The following TAF5 variants were observed in gnomAD, a reference collection of about 807,000 sequenced individuals.
The protein encoded by TAF5 is transcription initiation factor TFIID subunit 5.
A neutral mutation model predicts 80.9 loss-of-function variants in TAF5; 20 were observed. That is an observed-to-expected ratio of 0.25 (90% CI 0.17 to 0.36). TAF5 has a LOEUF of 0.36. Among genes scored for constraint, TAF5 ranks in the 10% least tolerant of loss-of-function variants. The pLI is 1.00. For missense variants in TAF5, 863 were observed against 1,029.4 expected (o/e 0.84, Z 2.21); for synonymous variants, 388 against 406.4 (o/e 0.95, Z 0.55).
Position 103,381,717 on chromosome 10 carries a change from G to A in TAF5, c.1414-4G>A. Reference sequence around the variant, plus strand: ...ATTGTTTAGTCTAACCCTTTTATTGGCAGGGTCTCACTGCAGTGGATGTCA... The same window carrying A: ...ATTGTTTAGTCTAACCCTTTTATTGACAGGGTCTCACTGCAGTGGATGTCA... On this transcript the variant is annotated splice_region_variant and splice_polypyrimidine_tract_variant and intron_variant, in intron 5 of 10. Coordinates refer to ENST00000369839, the MANE Select transcript of TAF5 (RefSeq NM_006951.5). 1 of 1,613,766 alleles carries A rather than the reference G, an allele frequency of 6.2e-7. No homozygotes were observed. Among genetic ancestry groups the A allele is most frequent in the Non-Finnish European group, 8.5e-7 (1 of 1,179,936 alleles).
chr10:103,368,021 T>G lies in TAF5; in HGVS notation c.32T>G (p.Val11Gly). The change falls in exon 1 of 11, where the codon GTG becomes GGG. Residue 11 changes from valine to glycine, a missense_variant. Val to Gly is a moderately radical substitution (Grantham distance 109). Transcript: ENST00000369839. MAALAEEQTE[V>G]AVKLEPEGPP... ...GCGCTGGCGGAGGAGCAGACGGAGG[T>G]GGCGGTCAAGCTAGAGCCTGAGGGA... 6.8e-7 allele frequency: 1 copy of G among 1,464,770 alleles called. No individual in the cohort carries two copies. The highest frequency in any genetic ancestry group is 9.0e-7 in the Non-Finnish European group (1 of 1,113,962). The allele number at this position is 1,464,770 out of a possible 1,614,324, so 90.7% of individuals were successfully genotyped here.
chr10:103,378,719 G>A lies in TAF5; in HGVS notation c.1113+169G>A, dbSNP rs531704093. On this transcript the variant is annotated intron_variant, in intron 3 of 10. Transcript: ENST00000369839. This position sits in a 1 kb window ranked among gnomAD's most constrained non-coding sequence, Gnocchi z 4.1. ...GTCACCCAAGCTGGAGTGCAGTGGCGTGATCTCAGCTCACTGCAACCTCCA... is the reference window on the plus strand; with the variant it reads ...GTCACCCAAGCTGGAGTGCAGTGGCATGATCTCAGCTCACTGCAACCTCCA... Among the ~76,000 whole-genome samples, 9 of 152,180 alleles carry A rather than the reference G, an allele frequency of 5.9e-5. No homozygotes were observed. Among genetic ancestry groups the A allele is most frequent in the South Asian group, 4.2e-4 (2 of 4,818 alleles).
chr10:103,370,876 C>T (rs1347405502), intron 1 of TAF5, among the ~76,000 whole-genome samples: 2 of 152,086 alleles, frequency 1.3e-5, no homozygotes, highest in African/African-American at 4.8e-5. Context: ...TGCAGCATTG[C>T]CAGAAATGAA....
chr10:103,387,691 G>A lies in TAF5; in HGVS notation c.2178G>A (p.Leu726=), dbSNP rs1271498098. Residue 726 remains leucine (L), a synonymous_variant, in exon 10 of 11, where the codon TTG becomes TTA. Coordinates refer to ENST00000369839, the MANE Select transcript of TAF5 (RefSeq NM_006951.5). ...SLRFSRDGEI[L]ASGSMDNTVR... Reference sequence around the variant, plus strand: ...GGTTTAGTAGAGATGGTGAAATTTTGGCATCAGGTAAATGACTATTAATGG... The same window carrying A: ...GGTTTAGTAGAGATGGTGAAATTTTAGCATCAGGTAAATGACTATTAATGG... The A allele has an allele frequency of 5.0e-6, 8 of 1,610,142 alleles. No individual in the cohort carries two copies. The highest frequency in any genetic ancestry group is 6.8e-6 in the Non-Finnish European group (8 of 1,178,996).
rs1554869336 is a variant in TAF5 at position 103,368,375 on chromosome 10, GCTCC to G, written c.387_390del (p.Ser130GlufsTer13). 6.4e-7 allele frequency: 1 copy of G among 1,563,596 alleles called. No individual in the cohort carries two copies. Among genetic ancestry groups the G allele is most frequent in the Non-Finnish European group, 8.6e-7 (1 of 1,163,548 alleles). On this transcript the variant is annotated frameshift_variant, in exon 1 of 11. Coordinates refer to ENST00000369839, the MANE Select transcript of TAF5 (RefSeq NM_006951.5). LOFTEE classifies it high-confidence loss of function. ...GGGCTGCTGGAGGAGGCAGTGGCGGGCTCCGGAGCCCCGGGAGAGGTGGACAGCG... is the reference window on the plus strand; with the variant it reads ...GGGCTGCTGGAGGAGGCAGTGGCGGGGGAGCCCCGGGAGAGGTGGACAGCG...
intron 2 of TAF5, among the ~76,000 whole-genome samples, chr10:103,375,351 C>A (rs1354258698): frequency 6.6e-6 from 1 of 151,940 alleles, no homozygotes; most frequent in Non-Finnish European, 1.5e-5. Flanking sequence ...GATAGATTGG[C>A]TAGGGAGGTG....
chr10:103,373,435 A>C lies in TAF5; in HGVS notation c.637A>C (p.Met213Leu). The change falls in exon 2 of 11, where the codon ATG becomes CTG. Residue 213 changes from methionine to leucine, a missense_variant. Physicochemically the swap from Met to Leu is conservative, Grantham distance 15. Transcript: ENST00000369839. The part of the protein sequence containing the change: ...SAYNQQGDPT[M>L]YEEYYSGLKH... ...CTACAACCAACAAGGAGATCCCACA[A>C]TGTATGAAGAATACTATAGTGGACT... 1 of 1,614,190 alleles carries C rather than the reference A, an allele frequency of 6.2e-7. No individual in the cohort carries two copies. Among genetic ancestry groups the C allele is most frequent in the Non-Finnish European group, 8.5e-7 (1 of 1,180,040 alleles).
intron 8 of TAF5, among the ~76,000 whole-genome samples, chr10:103,386,752 C>T (rs907392897): frequency 3.3e-5 from 5 of 151,704 alleles, no homozygotes; most frequent in African/African-American, 7.3e-5. Flanking sequence ...CAACCTCTAC[C>T]TCCTGGGTTC....
chr10:103,372,403 C>G (rs557333212), intron 1 of TAF5, among the ~76,000 whole-genome samples: 41 of 149,776 alleles, frequency 2.7e-4, no homozygotes, highest in African/African-American at 9.3e-4. Context: ...GGCGCGATCT[C>G]GGCTCACTGC....
chr10:103,388,287 C>A lies in TAF5; in HGVS notation c.*64C>A, dbSNP rs1418888767. 1.5e-6 allele frequency: 2 copies of A among 1,310,572 alleles called. No individual in the cohort carries two copies. The highest frequency in any genetic ancestry group is 2.1e-6 in the Non-Finnish European group (2 of 935,978). 81.2% of individuals were successfully genotyped at this position (1,310,572 alleles called of 1,614,324 possible). On this transcript the variant is annotated 3_prime_UTR_variant, in exon 11 of 11. Coordinates refer to ENST00000369839, the MANE Select transcript of TAF5 (RefSeq NM_006951.5). ...TAAAAAGGGAGACTAAAAGCAAATA[C>A]CTCAGTGATTAATATTTAAGCTACA...
At chr10:103,380,154 G>C in intron 5 of TAF5, 135 bp downstream of exon 5, 1 of 1,087,784 alleles carries the variant, frequency 9.2e-7, no homozygotes, top group Non-Finnish European at 1.3e-6. Flanking sequence ...TTCTGAGACA[G>C]AGTCTCGCTC....
At chr10:103,383,667 C>A (rs1292664558) in intron 7 of TAF5, among the ~76,000 whole-genome samples, 1 of 151,518 alleles carries the variant, frequency 6.6e-6, no homozygotes, top group Non-Finnish European at 1.5e-5. Flanking sequence ...CAACCTCCGC[C>A]TCCTGGGTTC....
intron 8 of TAF5, among the ~76,000 whole-genome samples, chr10:103,386,401 C>T (rs924970791): frequency 2.6e-5 from 4 of 152,108 alleles, no homozygotes; most frequent in African/African-American, 7.2e-5. Flanking sequence ...GATTGCACCA[C>T]GGCATTCTAG....
In TAF5 at chr10:103,385,374, C is replaced by T. The variant is rs1431191536; in HGVS notation, c.1713C>T (p.Ser571=). 13 of 1,613,886 alleles carry T rather than the reference C, an allele frequency of 8.1e-6. No homozygotes were observed. The East Asian group carries it at 2.9e-4, about 36-fold the overall frequency. The change falls in exon 8 of 11, where the codon AGC becomes AGT. Residue 571 remains serine (S), a synonymous_variant. Transcript: ENST00000369839. ...AGGACGGAACTGTTAGATTGTGGAG[C>T]CTTCAAACATTTACTTGTTTGGTGG... is the stretch of plus-strand genomic sequence containing the variant. ...SSEDGTVRLW[S]LQTFTCLVGY...
intron 10 of TAF5, 39 bp from the exon 11 acceptor site, chr10:103,387,967 G>A: frequency 6.4e-7 from 1 of 1,562,768 alleles, no homozygotes. Context: ...ATGTAAATAT[G>A]ATGGATGCAA....
chr10:103,369,153 AT>A (rs1320645759), intron 1 of TAF5, among the ~76,000 whole-genome samples: 1 of 150,796 alleles, frequency 6.6e-6, no homozygotes, highest in Non-Finnish European at 1.5e-5. Context: ...TAATTTTTGT[AT>A]TTTTAGTAGA....
At chr10:103,382,770 C>T (rs1369584291) in intron 6 of TAF5, among the ~76,000 whole-genome samples, 1 of 151,760 alleles carries the variant, frequency 6.6e-6, no homozygotes, top group Non-Finnish European at 1.5e-5. Context: ...ACTTCAGCCT[C>T]CTGAGTAGCT....
At chr10:103,373,300 C>A in intron 1 of TAF5, 58 bp from the exon 2 acceptor site, 1 of 1,411,890 alleles carries the variant, frequency 7.1e-7, no homozygotes, top group Non-Finnish European at 9.9e-7. Flanking sequence ...AACAATACAG[C>A]CATAGTCACA....
chr10:103,380,018 A>G lies in TAF5; in HGVS notation c.1412A>G (p.Gln471Arg), dbSNP rs1211647393. The stretch of plus-strand genomic sequence containing the variant: ...TTCTATACATTTCTCAATGCTTACC[A>G]GGTTGGTAAAAAAATTGGGCGATTT... ...ICFYTFLNAY[Q>R]GLTAVDVTDD... Residue 471 changes from glutamine (Q) to arginine (R), a missense_variant and splice_region_variant, in exon 5 of 11, where the codon CAG becomes CGG. By Grantham distance (43) the Gln-to-Arg change is conservative. Around this residue, in one of 3 missense-constraint regions of TAF5, gnomAD observed 368 missense variants for 461.7 expected, o/e 0.80. Transcript: ENST00000369839. 2 of 1,608,630 alleles carry G rather than the reference A, an allele frequency of 1.2e-6. No individual in the cohort carries two copies. Among genetic ancestry groups the G allele is most frequent in the Non-Finnish European group, 1.7e-6 (2 of 1,178,238 alleles).
Sources: gnomAD v4.1 joint callset for allele counts (sites outside exome capture counted in the v4.1 genomes callset) on GRCh38, gnomAD v4.1.1 for gene constraint, gnomAD v4.1.1 regional missense constraint, Gnocchi (gnomAD v3.1) non-coding constraint, MANE v1.5 for transcripts, NCBI Gene and HGNC (gene_info 2026-07-23, HGNC 2026-07-21) for gene names.